Variants in C19orf47 observed in about 807,000 individuals in gnomAD.
C19orf47 encodes uncharacterized protein C19orf47.
In C19orf47, 18 loss-of-function variants were observed where a neutral mutation model predicts 32.3. The observed-to-expected ratio is 0.56, with a 90% confidence interval of 0.39 to 0.83. The LOEUF is 0.83. C19orf47 is among the 40% of genes least tolerant of loss of function. The pLI, the probability that C19orf47 is intolerant of heterozygous loss-of-function variation, is 0.00. For synonymous variants in C19orf47, 202 were observed against 211.1 expected (o/e 0.96, Z 0.37); for missense variants, 484 against 531.6 (o/e 0.91, Z 0.88).
At chr19:40,340,113 T>C (rs139882832) in intron 2 of C19orf47, among the ~76,000 whole-genome samples, 191 of 151,864 alleles carry the variant, frequency 1.3e-3, no homozygotes, top group African/African-American at 4.4e-3. Context: ...GACAATATTC[T>C]CTTTTTTTTG....
At chr19:40,330,461 G>A (rs188092075) in intron 5 of C19orf47, among the ~76,000 whole-genome samples, 7 of 151,156 alleles carry the variant, frequency 4.6e-5, no homozygotes, top group East Asian at 3.9e-4. Flanking sequence ...TCGATCTCTC[G>A]AGGTCTGACC....
At position 40,321,973 on chromosome 19, in the gene C19orf47, C is replaced by T. The variant is rs772121956; in HGVS notation, c.1067G>A (p.Arg356Gln). ...AAGGCCCTCGCTGGAGCTGCTCCCC[C>T]GGGGCCCCACCAGAGTCCTCTTAAT... ...VTIKRTLVGPRGSSSSEGLGA... is the reference protein window; with the variant it reads ...VTIKRTLVGPQGSSSSEGLGA... The change falls in exon 9 of 9, where the codon CGG (arginine) becomes CAG (glutamine). Residue 356 changes from arginine to glutamine, a missense_variant. Coordinates refer to ENST00000683109, the MANE Select transcript of C19orf47 (RefSeq NM_001256441.2). The T allele has an allele frequency of 1.5e-5, 24 of 1,613,746 alleles. No individual in the cohort carries two copies. Among genetic ancestry groups the T allele is most frequent in the East Asian group, 2.2e-5 (1 of 44,878 alleles).
intron 8 of C19orf47, among the ~76,000 whole-genome samples, 170 bp downstream of exon 8, chr19:40,323,836 G>T (rs1261722582): frequency 6.6e-6 from 1 of 152,180 alleles, no homozygotes. Flanking sequence ...GAGAAGCCAG[G>T]GCAGAAGACA....
At chr19:40,334,387 T>A (rs546557999) in intron 4 of C19orf47, among the ~76,000 whole-genome samples, 2 of 152,238 alleles carry the variant, frequency 1.3e-5, no homozygotes, top group East Asian at 1.9e-4. Context: ...AGTTTGAGGC[T>A]GCAGTAAGCT....
chr19:40,323,851 G>A (rs1484615786), intron 8 of C19orf47, among the ~76,000 whole-genome samples, 155 bp downstream of exon 8: 1 of 152,214 alleles, frequency 6.6e-6, no homozygotes, highest in Non-Finnish European at 1.5e-5. Context: ...AAGACAGATG[G>A]GAAAGCCGCC....
At chr19:40,324,179 C>G (rs2077781321) in intron 7 of C19orf47, 103 bp from the exon 8 acceptor site, 1 of 1,089,900 alleles carries the variant, frequency 9.2e-7, no homozygotes. Flanking sequence ...AGCTCTGGGA[C>G]AGGCAGGGCC....
the C19orf47 span, among the ~76,000 whole-genome samples, chr19:40,294,606 T>G: frequency 6.6e-6 from 1 of 152,188 alleles, no homozygotes; most frequent in African/African-American, 2.4e-5. Flanking sequence ...CCAATGTCTG[T>G]TCAGACTAAT....
chr19:40,323,090 G>T (rs1030412084), intron 8 of C19orf47, among the ~76,000 whole-genome samples: 2 of 152,218 alleles, frequency 1.3e-5, no homozygotes, highest in African/African-American at 4.8e-5. Context: ...TTGAGCACTC[G>T]CTATGCGCCC....
At chr19:40,308,000 A>G in the C19orf47 span, among the ~76,000 whole-genome samples, 1 of 151,392 alleles carries the variant, frequency 6.6e-6, no homozygotes, top group Non-Finnish European at 1.5e-5. Flanking sequence ...GAAACTGAAG[A>G]GAGGTTGAGT....
chr19:40,336,059 C>T lies in C19orf47; in HGVS notation c.222+51G>A, dbSNP rs754516972. The T allele has an allele frequency of 1.9e-6, 3 of 1,557,048 alleles. No homozygotes were observed. In the African/African-American group the frequency reaches 4.1e-5, roughly 21 times the overall value. On this transcript the variant is annotated intron_variant, in intron 4 of 8. Coordinates refer to ENST00000683109, the MANE Select transcript of C19orf47 (RefSeq NM_001256441.2). ...CCTCCCATTGGCTCTGCAACTGACC[C>T]TCCACCTCCATGCCAAACCCAGAGA... is the stretch of plus-strand genomic sequence containing the variant.
Position 40,326,406 on chromosome 19 carries a change from A to ACTTC in C19orf47, c.516_519dup (p.Tyr174GlufsTer29). On this transcript the variant is annotated frameshift_variant, in exon 7 of 9. Transcript: ENST00000683109. LOFTEE classifies it high-confidence loss of function. ...GTGCCTTTGGGCATGTTGATGACGTACTTCCCCTCCATCTCAGCAGTGACC... is the reference window on the plus strand; with the variant it reads ...GTGCCTTTGGGCATGTTGATGACGTACTTCCTTCCCCTCCATCTCAGCAGTGACC... The ACTTC allele has an allele frequency of 6.2e-7, 1 of 1,614,116 alleles. No homozygotes were observed. Among genetic ancestry groups the ACTTC allele is most frequent in the Non-Finnish European group, 8.5e-7 (1 of 1,180,026 alleles).
chr19:40,294,740 G>A, the C19orf47 span, among the ~76,000 whole-genome samples: 1 of 152,218 alleles, frequency 6.6e-6, no homozygotes, highest in Non-Finnish European at 1.5e-5. Flanking sequence ...GGGTGCAAGT[G>A]TCAGCCTGTG....
chr19:40,338,292 A>AAT (rs546672523), intron 2 of C19orf47, among the ~76,000 whole-genome samples: 7,847 of 104,464 alleles, frequency 0.075, 316 homozygotes, highest in East Asian at 0.17. Context: ...CACACACACA[A>AAT]ATATATATAT....
At chr19:40,328,999 C>T (rs2077894416) in intron 5 of C19orf47, among the ~76,000 whole-genome samples, 1 of 152,172 alleles carries the variant, frequency 6.6e-6, no homozygotes, top group Admixed American at 6.6e-5. Context: ...TTCAGGCCTC[C>T]TCTCTGATGG....
At chr19:40,310,876 A>T in the C19orf47 span, among the ~76,000 whole-genome samples, 2 of 152,166 alleles carry the variant, frequency 1.3e-5, no homozygotes, top group South Asian at 2.1e-4. Flanking sequence ...TGTTATTTTT[A>T]AAATAAGAGA....
chr19:40,295,413 G>A, the C19orf47 span, among the ~76,000 whole-genome samples: 1 of 151,408 alleles, frequency 6.6e-6, no homozygotes, highest in African/African-American at 2.4e-5. Flanking sequence ...CCTCTAACAA[G>A]ATTAAAAAGC....
At chr19:40,302,899 A>G in the C19orf47 span, among the ~76,000 whole-genome samples, 1 of 152,214 alleles carries the variant, frequency 6.6e-6, no homozygotes, top group Non-Finnish European at 1.5e-5. Context: ...GACTTCAGAT[A>G]AATCACCACA....
downstream of C19orf47, among the ~76,000 whole-genome samples, chr19:40,316,979 G>A (rs529901968): frequency 2.6e-3 from 401 of 152,088 alleles, 1 homozygote; most frequent in Non-Finnish European, 4.7e-3. Context: ...CATCTCACTG[G>A]AAAGATTACA....
At chr19:40,309,568 G>C in the C19orf47 span, among the ~76,000 whole-genome samples, 1 of 151,958 alleles carries the variant, frequency 6.6e-6, no homozygotes, top group Non-Finnish European at 1.5e-5. Flanking sequence ...AATTGAGGCA[G>C]GGGCTCAGAG....
Sources: allele counts gnomAD v4.1 joint callset (sites outside exome capture counted in the v4.1 genomes callset), GRCh38; gene constraint gnomAD v4.1.1; transcripts MANE v1.5; gene names NCBI Gene and HGNC (gene_info 2026-07-23, HGNC 2026-07-21).